STAU2: variants seen among roughly 807,000 people sequenced by gnomAD.
STAU2 encodes double-stranded RNA-binding protein Staufen homolog 2.
Under a neutral mutation model 65.9 loss-of-function variants are expected in STAU2, and 20 were observed. The observed-to-expected ratio is 0.30, with a 90% confidence interval of 0.21 to 0.44. The LOEUF (loss-of-function observed/expected upper bound fraction) is 0.44, where lower values mean the gene tolerates loss of function less well. Among genes scored for constraint, STAU2 ranks in the 20% least tolerant of loss-of-function variants. The pLI is 1.00. For synonymous variants in STAU2, 232 were observed against 233.9 expected (o/e 0.99, Z 0.07); for missense variants, 558 against 683.9 (o/e 0.82, Z 2.05).
rs1053354475 is a variant in STAU2, at chr8:73,484,783, G to A, written c.1531-62081C>T. On this transcript the variant is annotated intron_variant, in intron 13 of 14. Coordinates refer to ENST00000524300, the MANE Select transcript of STAU2 (RefSeq NM_001164380.2). ...TAAAACCCTGATAAATCAATCACTCGGCACTCCATGGCAATCACAAACTCA... is the reference window on the plus strand; with the variant it reads ...TAAAACCCTGATAAATCAATCACTCAGCACTCCATGGCAATCACAAACTCA... Among the ~76,000 whole-genome samples, 11 of 151,880 alleles carry A rather than the reference G, an allele frequency of 7.2e-5. No individual in the cohort carries two copies. The South Asian group carries it at 1.0e-3, about 14-fold the overall frequency.
chr8:73,648,077 G>A (rs1320082325), intron 6 of STAU2, among the ~76,000 whole-genome samples: 1 of 152,176 alleles, frequency 6.6e-6, no homozygotes, highest in Non-Finnish European at 1.5e-5. Context: ...ACAACTTTCA[G>A]TGAATCTCTA....
At chr8:73,661,268 C>G (rs980918600) in intron 6 of STAU2, among the ~76,000 whole-genome samples, 12 of 152,150 alleles carry the variant, frequency 7.9e-5, no homozygotes, top group African/African-American at 2.9e-4. Context: ...AGCTAAGCAA[C>G]TGAACCAGCC....
intron 6 of STAU2, among the ~76,000 whole-genome samples, chr8:73,658,931 CAACAAAAACAACAA>C (rs1563488097): frequency 1.9e-5 from 1 of 52,298 alleles, no homozygotes; most frequent in African/African-American, 4.2e-5. Flanking sequence ...ACAACAACAA[CAACAAAAACAACAA>C]AAAAAAAAAA....
chr8:73,651,412 G>A (rs1815866526), intron 6 of STAU2: 2 of 666,876 alleles, frequency 3.0e-6, no homozygotes, highest in Admixed American at 3.9e-5. Context: ...CGGAGGTCCA[G>A]ATAAAAACCT....
intron 13 of STAU2, among the ~76,000 whole-genome samples, chr8:73,471,090 C>T (rs1185467055): frequency 1.3e-5 from 2 of 151,850 alleles, no homozygotes. Flanking sequence ...ATAGTGAACT[C>T]GATTTTCCAA....
chr8:73,700,466 A>G (rs1428633788), intron 4 of STAU2, among the ~76,000 whole-genome samples: 1 of 152,170 alleles, frequency 6.6e-6, no homozygotes. Context: ...AAACAAATTT[A>G]GTAAAGTTGC....
intron 1 of STAU2, among the ~76,000 whole-genome samples, chr8:73,741,573 C>T (rs1586394988): frequency 6.6e-6 from 1 of 151,174 alleles, no homozygotes; most frequent in African/African-American, 2.4e-5. Context: ...AGTGCAACAG[C>T]TCAATCTCAG....
At chr8:73,529,091 A>C (rs1805633167) in intron 13 of STAU2, among the ~76,000 whole-genome samples, 1 of 152,180 alleles carries the variant, frequency 6.6e-6, no homozygotes, top group Non-Finnish European at 1.5e-5. Context: ...AAGTACTATA[A>C]AGATTTTGTT....
At chr8:73,598,525 T>C (rs1035838485) in intron 10 of STAU2, among the ~76,000 whole-genome samples, 1 of 152,010 alleles carries the variant, frequency 6.6e-6, no homozygotes. Context: ...CCACGCCCAG[T>C]AGAAGAAAAC....
chr8:73,566,699 G>A (rs993191635), intron 12 of STAU2, among the ~76,000 whole-genome samples: 24 of 152,092 alleles, frequency 1.6e-4, no homozygotes, highest in Admixed American at 6.6e-4. Context: ...CTTTAGACCC[G>A]TTATAAAATC....
At chr8:73,660,701 T>C (rs1816767869) in intron 6 of STAU2, among the ~76,000 whole-genome samples, 1 of 152,170 alleles carries the variant, frequency 6.6e-6, no homozygotes, top group African/African-American at 2.4e-5. Context: ...GGCCACAGAT[T>C]TTCCAAAGCT....
intron 5 of STAU2, among the ~76,000 whole-genome samples, chr8:73,686,357 T>C (rs1484846148): frequency 6.6e-6 from 1 of 152,164 alleles, no homozygotes; most frequent in Non-Finnish European, 1.5e-5. Context: ...GAGACCATCC[T>C]GGCTAACACA....
intron 13 of STAU2, among the ~76,000 whole-genome samples, chr8:73,436,840 A>C (rs2128887078): frequency 1.3e-5 from 2 of 150,716 alleles, no homozygotes; most frequent in South Asian, 2.1e-4. Context: ...GCCCGCCTCA[A>C]CCTCCCAAAG....
intron 10 of STAU2, among the ~76,000 whole-genome samples, chr8:73,599,590 C>A (rs1811473975): frequency 6.6e-6 from 1 of 152,156 alleles, no homozygotes; most frequent in Admixed American, 6.5e-5. Context: ...TTCAGCTATA[C>A]AGCATGATAC....
intron 12 of STAU2, among the ~76,000 whole-genome samples, chr8:73,568,698 A>G (rs1808809937): frequency 6.6e-6 from 1 of 152,228 alleles, no homozygotes; most frequent in Non-Finnish European, 1.5e-5. Context: ...CAAATTCATA[A>G]TCTTAGTATA....
At chr8:73,516,498 TA>T (rs895582958) in intron 13 of STAU2, among the ~76,000 whole-genome samples, 2 of 151,986 alleles carry the variant, frequency 1.3e-5, no homozygotes, top group African/African-American at 4.8e-5. Context: ...AAAGGGTATT[TA>T]AAAAAATATG....
intron 11 of STAU2, among the ~76,000 whole-genome samples, chr8:73,591,882 TAAAAAAAAAAAAAAAAAAAA>T (rs34533172): frequency 1.1e-4 from 3 of 28,460 alleles, no homozygotes; most frequent in African/African-American, 3.4e-4. Context: ...ATCCCAGAGG[TAAAAAAAAAAAAAAAAAAAA>T]AAAAAAAAAA....
intron 6 of STAU2, among the ~76,000 whole-genome samples, chr8:73,627,242 G>A (rs1379475253): frequency 7.6e-6 from 1 of 130,820 alleles, no homozygotes; most frequent in Non-Finnish European, 1.6e-5. Context: ...CAGGAGGGCG[G>A]GTTCCCTGGA....
intron 6 of STAU2, among the ~76,000 whole-genome samples, chr8:73,641,374 A>G (rs546430956): frequency 4.6e-5 from 7 of 152,296 alleles, no homozygotes; most frequent in African/African-American, 1.7e-4. Context: ...CCCTTGCAAA[A>G]AAAAAAAGAA....
Sources: gnomAD v4.1 joint callset for allele counts (sites outside exome capture counted in the v4.1 genomes callset) on GRCh38, gnomAD v4.1.1 for gene constraint, MANE v1.5 for transcripts, NCBI Gene and HGNC (gene_info 2026-07-23, HGNC 2026-07-21) for gene names.